Variants in KNTC1 observed in about 807,000 individuals in gnomAD.
KNTC1 encodes kinetochore-associated protein 1.
A neutral mutation model predicts 314.4 loss-of-function variants in KNTC1; 253 were observed. The observed-to-expected ratio is 0.80, with a 90% confidence interval of 0.73 to 0.89. The LOEUF is 0.89. Among genes scored for constraint, KNTC1 ranks in the 40% least tolerant of loss-of-function variants. KNTC1 has a pLI of 0.00. For missense variants in KNTC1, 2,475 were observed against 2,572.9 expected, an observed-to-expected ratio of 0.96 and a Z score of 0.82; for synonymous variants, 901 against 901.4, an observed-to-expected ratio of 1.00 and a Z score of 0.01.
At chr12:122,621,814 C>G (rs1335988043) in intron 60 of KNTC1, 67 bp from the exon 61 acceptor site, 4 of 1,023,372 alleles carry the variant, frequency 3.9e-6, no homozygotes, top group Non-Finnish European at 3.0e-6. Flanking sequence ...AATACCTGAT[C>G]AACGGCTCTT....
intron 20 of KNTC1, chr12:122,563,906 A>G (rs984533135): frequency 3.6e-5 from 37 of 1,021,352 alleles, no homozygotes; most frequent in Admixed American, 6.6e-5. Context: ...TGCAAAGGGC[A>G]GTGTGGCCTT....
intron 13 of KNTC1, among the ~76,000 whole-genome samples, chr12:122,551,091 T>G (rs1190026256): frequency 1.3e-5 from 2 of 152,186 alleles, no homozygotes; most frequent in Non-Finnish European, 2.9e-5. Context: ...GAAAGTAACC[T>G]ATGTGATATT....
chr12:122,590,777 A>C (rs1271694622), intron 41 of KNTC1, 42 bp downstream of exon 41: 7 of 1,580,556 alleles, frequency 4.4e-6, no homozygotes. Context: ...TGAAGTATTC[A>C]AGATTGGGGG....
chr12:122,561,818 C>T (rs1478037722), intron 18 of KNTC1, 103 bp from the exon 19 acceptor site: 18 of 861,444 alleles, frequency 2.1e-5, no homozygotes, highest in Non-Finnish European at 2.7e-5. Flanking sequence ...CACTTAAATG[C>T]AATTTATTTA....
rs1223225115 is a variant in KNTC1 at position 122,538,465 on chromosome 12, G to A, written c.366+11G>A. The stretch of plus-strand genomic sequence containing the variant: ...ACACTACTCACTAATGTAAGATCTT[G>A]TTGTATTTTAATTTTCATTATTTAA... On this transcript the variant is annotated intron_variant, in intron 4 of 63. Coordinates refer to ENST00000333479, the MANE Select transcript of KNTC1 (RefSeq NM_014708.6). 1 of 1,367,372 alleles carries A rather than the reference G, an allele frequency of 7.3e-7. No homozygotes were observed. The allele number at this position is 1,367,372 out of a possible 1,614,324, so 84.7% of individuals were successfully genotyped here. A position where few individuals can be genotyped will look rare whatever the true frequency, so the allele number is the denominator to read the frequency against.
intron 51 of KNTC1, chr12:122,609,181 C>CGT: frequency 1.8e-6 from 1 of 552,736 alleles, no homozygotes. Flanking sequence ...ATAGTAAGTG[C>CGT]TCAGTGAATA....
At chr12:122,579,560 C>G (rs943705373) in intron 31 of KNTC1, among the ~76,000 whole-genome samples, 1 of 151,610 alleles carries the variant, frequency 6.6e-6, no homozygotes, top group African/African-American at 2.4e-5. Flanking sequence ...CTTCTGTTCT[C>G]TAGGCCATTT....
chr12:122,603,886 A>G (rs1348436443), intron 48 of KNTC1, among the ~76,000 whole-genome samples: 4 of 152,198 alleles, frequency 2.6e-5, no homozygotes, highest in East Asian at 3.8e-4. Context: ...GGTTGTAACA[A>G]AAGTTGAAAG....
intron 37 of KNTC1, 103 bp from the exon 38 acceptor site, chr12:122,586,598 C>G: frequency 3.1e-6 from 1 of 317,482 alleles, no homozygotes; most frequent in Non-Finnish European, 5.9e-6. Flanking sequence ...TTAAGGGGTC[C>G]AAGTGCTATT....
rs1373308215 is a variant in KNTC1, at chr12:122,601,516, A to G, written c.4564-20A>G. The G allele has an allele frequency of 2.0e-6, 3 of 1,510,220 alleles. No individual in the cohort carries two copies. The highest frequency in any genetic ancestry group is 2.7e-6 in the Non-Finnish European group (3 of 1,128,410). 93.6% of individuals were successfully genotyped at this position (1,510,220 alleles called of 1,614,324 possible). On this transcript the variant is annotated intron_variant, in intron 44 of 63. Coordinates refer to ENST00000333479, the MANE Select transcript of KNTC1 (RefSeq NM_014708.6). ...TGGCAAAGTCTTATCAAGTTTTGAT[A>G]TATTTTTGTTTTTATACAGTTGGAT...
chr12:122,578,486 G>A (rs1243643910), intron 31 of KNTC1, among the ~76,000 whole-genome samples: 1 of 151,930 alleles, frequency 6.6e-6, no homozygotes, highest in East Asian at 1.9e-4. Context: ...ACAGTGGCGC[G>A]ATCTTAACTC....
intron 1 of KNTC1, among the ~76,000 whole-genome samples, chr12:122,528,836 CTG>C (rs528638238): frequency 1.1e-3 from 173 of 150,982 alleles, no homozygotes; most frequent in African/African-American, 4.0e-3. Context: ...TGACGGCAAA[CTG>C]TATATATATA....
At position 122,621,942 on chromosome 12, in the gene KNTC1, C is replaced by T. The variant is rs771390477; in HGVS notation, c.6341C>T (p.Thr2114Met). The T allele has an allele frequency of 5.6e-6, 9 of 1,608,598 alleles. No homozygotes were observed. Among genetic ancestry groups the T allele is most frequent in the East Asian group, 2.2e-5 (1 of 44,838 alleles). ...AAGCAATTGGAAGAGCATATGAACA[C>T]GGGCCAGCTAGCAGGATTTTCACAT... ...ILKQLEEHMN[T>M]GQLAGFSHQI... The change falls in exon 61 of 64, where the codon ACG becomes ATG. Residue 2114 changes from threonine (T) to methionine (M), a missense_variant. By Grantham distance (81) the Thr-to-Met change is moderately conservative. Coordinates refer to ENST00000333479, the MANE Select transcript of KNTC1 (RefSeq NM_014708.6).
chr12:122,612,057 T>TG (rs1214880196), intron 53 of KNTC1, among the ~76,000 whole-genome samples: 2 of 151,074 alleles, frequency 1.3e-5, no homozygotes, highest in African/African-American at 4.9e-5. Flanking sequence ...AAGAACATTC[T>TG]GGTTTTTTTT....
At chr12:122,555,444 C>T (rs919845790) in intron 16 of KNTC1, among the ~76,000 whole-genome samples, 11 of 152,120 alleles carry the variant, frequency 7.2e-5, no homozygotes, top group African/African-American at 1.2e-4. Flanking sequence ...CCCAGTTACT[C>T]GGGAGGCTGA....
intron 63 of KNTC1, among the ~76,000 whole-genome samples, chr12:122,625,845 C>T (rs569341863): frequency 3.3e-5 from 5 of 152,110 alleles, no homozygotes; most frequent in Non-Finnish European, 7.4e-5. Context: ...TTTTTCAGAT[C>T]GGAATATTTT....
chr12:122,541,614 G>T (rs558721504), intron 5 of KNTC1, among the ~76,000 whole-genome samples: 177 of 151,434 alleles, frequency 1.2e-3, no homozygotes, highest in African/African-American at 4.2e-3. Flanking sequence ...CAAAGTGTTG[G>T]CATTACAGGC....
intron 2 of KNTC1, among the ~76,000 whole-genome samples, 173 bp from the exon 3 acceptor site, chr12:122,534,491 C>G (rs1201481425): frequency 6.6e-6 from 1 of 151,912 alleles, no homozygotes; most frequent in Non-Finnish European, 1.5e-5. Flanking sequence ...TGGATGGATT[C>G]AAGATATACC....
rs745774687 is a variant in KNTC1 at position 122,539,697 on chromosome 12, G to A, written c.388G>A (p.Asp130Asn). ...TTAGGCATTTGTTCAGAAAGCTAAC[G>A]ATGAAAATCGGCGGACTTACCAGAA... ...LTNAFVQKANDENRRTYQNLV... is the reference protein window; with the variant it reads ...LTNAFVQKANNENRRTYQNLV... Residue 130 changes from aspartate (D) to asparagine (N), a missense_variant, in exon 5 of 64, where the codon GAT becomes AAT. Asp to Asn is a conservative substitution (Grantham distance 23). Coordinates refer to ENST00000333479, the MANE Select transcript of KNTC1 (RefSeq NM_014708.6). 18 of 1,578,192 alleles carry A rather than the reference G, an allele frequency of 1.1e-5. No homozygotes were observed. In the South Asian group the frequency reaches 1.8e-4, roughly 15 times the overall value.
Sources: allele counts gnomAD v4.1 joint callset (sites outside exome capture counted in the v4.1 genomes callset), GRCh38; gene constraint gnomAD v4.1.1; transcripts MANE v1.5; gene names NCBI Gene and HGNC (gene_info 2026-07-23, HGNC 2026-07-21).